Variants in NRXN1 observed in about 807,000 individuals in gnomAD.
The protein encoded by NRXN1 is neurexin 1.
A neutral mutation model predicts 150.9 loss-of-function variants in NRXN1; 39 were observed. The observed-to-expected ratio is 0.26, with a 90% CI of 0.20 to 0.34. The LOEUF is 0.34. Ranked by LOEUF, NRXN1 falls within the 10% of genes least tolerant of loss-of-function variation. The pLI, the probability that NRXN1 is intolerant of heterozygous loss-of-function variation, is 1.00. For synonymous variants in NRXN1, 924 were observed against 757.0 expected (o/e 1.22, Z -3.62); for missense variants, 1,815 against 1,949.9 (o/e 0.93, Z 1.30).
At chr2:50,155,132 G>A (rs1033238156) in intron 18 of NRXN1, among the ~76,000 whole-genome samples, 5 of 151,472 alleles carry the variant, frequency 3.3e-5, no homozygotes, top group African/African-American at 4.8e-5. Context: ...CCAGTAATGC[G>A]ATTCAAGTTT....
intron 6 of NRXN1, among the ~76,000 whole-genome samples, chr2:50,621,667 C>T (rs768559454): frequency 5.3e-5 from 8 of 152,266 alleles, no homozygotes; most frequent in Admixed American, 1.3e-4. Context: ...ACCCCTCCTC[C>T]ACCCTGGCCC....
chr2:50,030,074 G>C (rs756185835), intron 21 of NRXN1, among the ~76,000 whole-genome samples: 2 of 152,118 alleles, frequency 1.3e-5, no homozygotes, highest in South Asian at 4.1e-4. Flanking sequence ...CAAAAGGACT[G>C]TAGAATTTTG....
chr2:50,966,665 G>A (rs1228896813), intron 2 of NRXN1, among the ~76,000 whole-genome samples: 1 of 151,792 alleles, frequency 6.6e-6, no homozygotes, highest in Non-Finnish European at 1.5e-5. Flanking sequence ...AAAATTGAGA[G>A]TGGCATTTGC....
chr2:50,099,699 GT>G (rs1232155821), intron 18 of NRXN1, among the ~76,000 whole-genome samples: 2 of 152,074 alleles, frequency 1.3e-5, no homozygotes, highest in African/African-American at 4.8e-5. Flanking sequence ...AGACATTTCG[GT>G]TTTGCTAGAG....
rs2093089997 is a variant in NRXN1 at position 50,531,115 on chromosome 2, C to T, written c.2347+112G>A. 3 of 768,750 alleles carry T rather than the reference C, an allele frequency of 3.9e-6. No homozygotes were observed. In the East Asian group the frequency reaches 8.1e-5, roughly 21 times the overall value. 47.6% of individuals were successfully genotyped at this position (768,750 alleles called of 1,614,324 possible). A position where few individuals can be genotyped will look rare whatever the true frequency, so the allele number is the denominator to read the frequency against. The stretch of plus-strand genomic sequence containing the variant: ...ATTACTTTAAATGATGGAAATAAGA[C>T]CATTAAGTGTTTTAATTTTCCATGG... On this transcript the variant is annotated intron_variant, in intron 11 of 22. Coordinates refer to ENST00000401669, the MANE Select transcript of NRXN1 (RefSeq NM_001330078.2).
At chr2:50,662,574 GA>G (rs1353069483) in intron 5 of NRXN1, among the ~76,000 whole-genome samples, 1 of 142,504 alleles carries the variant, frequency 7.0e-6, no homozygotes, top group Non-Finnish European at 1.6e-5. Context: ...AAAACACTAT[GA>G]GTTTTTTTTC....
At chr2:50,865,659 T>TTTTTG (rs1676803061) in intron 5 of NRXN1, among the ~76,000 whole-genome samples, 2 of 30,432 alleles carry the variant, frequency 6.6e-5, no homozygotes, top group Non-Finnish European at 1.2e-4. Flanking sequence ...CATTTGAAAG[T>TTTTTG]TTTTTTTTTT....
intron 15 of NRXN1, among the ~76,000 whole-genome samples, chr2:50,476,691 T>G (rs2090016808): frequency 6.6e-6 from 1 of 152,138 alleles, no homozygotes; most frequent in Non-Finnish European, 1.5e-5. Context: ...AACATGTCAA[T>G]TTTATAAATT....
intron 18 of NRXN1, among the ~76,000 whole-genome samples, chr2:50,235,073 C>A (rs1210624620): frequency 2.6e-5 from 4 of 152,008 alleles, no homozygotes; most frequent in African/African-American, 7.2e-5. Context: ...ATTGTAGAAC[C>A]TTTTCTCAGA....
At chr2:50,073,112 CT>C in intron 19 of NRXN1, among the ~76,000 whole-genome samples, 1 of 152,180 alleles carries the variant, frequency 6.6e-6, no homozygotes, top group Non-Finnish European at 1.5e-5. Flanking sequence ...TATCAGTGTC[CT>C]TCAAATTCCA....
chr2:50,549,886 A>G (rs1050309018), intron 9 of NRXN1, among the ~76,000 whole-genome samples: 4 of 152,174 alleles, frequency 2.6e-5, no homozygotes, highest in African/African-American at 9.6e-5. Context: ...CATGTGTGGC[A>G]TGTATGTACA....
chr2:50,447,399 GA>G (rs1313290230), intron 17 of NRXN1, among the ~76,000 whole-genome samples: 2 of 134,280 alleles, frequency 1.5e-5, no homozygotes, highest in African/African-American at 2.9e-5. Context: ...AGAACTGCTT[GA>G]ACCTGGGAGG....
At chr2:50,348,739 G>T (rs1475377150) in intron 17 of NRXN1, among the ~76,000 whole-genome samples, 3 of 152,210 alleles carry the variant, frequency 2.0e-5, no homozygotes, top group African/African-American at 7.2e-5. Context: ...GAGGACCACA[G>T]GCACTGGATG....
intron 17 of NRXN1, among the ~76,000 whole-genome samples, chr2:50,276,246 G>A (rs1006629905): frequency 9.9e-5 from 15 of 152,030 alleles, no homozygotes; most frequent in Non-Finnish European, 1.6e-4. Context: ...AAACCACACA[G>A]CTGTTAAAAA....
At chr2:50,389,795 T>C (rs1004894896) in intron 17 of NRXN1, among the ~76,000 whole-genome samples, 1 of 152,190 alleles carries the variant, frequency 6.6e-6, no homozygotes, top group South Asian at 2.1e-4. Flanking sequence ...GTAACTGGAA[T>C]GTAGTGGATA....
At chr2:50,584,624 G>C (rs1361882608) in intron 8 of NRXN1, among the ~76,000 whole-genome samples, 2 of 152,180 alleles carry the variant, frequency 1.3e-5, no homozygotes, top group African/African-American at 4.8e-5. Context: ...AAGTGCAAGT[G>C]GTGGAGCAAA....
At chr2:50,561,881 A>G (rs1669139235) in intron 8 of NRXN1, among the ~76,000 whole-genome samples, 2 of 152,178 alleles carry the variant, frequency 1.3e-5, no homozygotes, top group Non-Finnish European at 1.5e-5. Context: ...AGTGATGAAG[A>G]TACTTTCCGC....
intron 17 of NRXN1, among the ~76,000 whole-genome samples, chr2:50,302,450 T>C (rs1389515911): frequency 6.6e-6 from 1 of 152,200 alleles, no homozygotes; most frequent in African/African-American, 2.4e-5. Context: ...TCATCTTTAT[T>C]GACAGTTATA....
At position 51,028,280 on chromosome 2, in the gene NRXN1, G is replaced by C. The variant is rs202002348; in HGVS notation, c.-7C>G. ...GGAGCAGCGCCGTCCCCATGCTCGG[G>C]GCTGGGGTGCGGCGGGGGGGTGCCG... On this transcript the variant is annotated 5_prime_UTR_variant, in exon 2 of 23. Coordinates refer to ENST00000401669, the MANE Select transcript of NRXN1 (RefSeq NM_001330078.2). 1.4e-6 allele frequency: 2 copies of C among 1,435,160 alleles called. No homozygotes were observed. Among genetic ancestry groups the C allele is most frequent in the Non-Finnish European group, 1.8e-6 (2 of 1,099,578 alleles). 88.9% of individuals were successfully genotyped at this position (1,435,160 alleles called of 1,614,324 possible). A position where few individuals can be genotyped will look rare whatever the true frequency, so the allele number is the denominator to read the frequency against.
Sources: gnomAD v4.1 joint callset for allele counts (sites outside exome capture counted in the v4.1 genomes callset) on GRCh38, gnomAD v4.1.1 for gene constraint, MANE v1.5 for transcripts, NCBI Gene and HGNC (gene_info 2026-07-23, HGNC 2026-07-21) for gene names.